SLC25A13: variants seen among roughly 807,000 people sequenced by gnomAD.
SLC25A13 encodes the protein solute carrier family 25 member 13, also known as electrogenic aspartate/glutamate antiporter SLC25A13, mitochondrial.
SLC25A13 carries 70 observed loss-of-function variants against 85.5 expected under a neutral mutation model. The ratio of observed to expected loss-of-function variants is 0.82; its 90% CI spans 0.68 to 1.00. The LOEUF (loss-of-function observed/expected upper bound fraction) is 1.00. Among genes scored for constraint, SLC25A13 ranks in the 50% least tolerant of loss-of-function variants. SLC25A13 has a pLI of 0.00. For missense variants in SLC25A13, 765 were observed against 819.8 expected (o/e 0.93, Z 0.82); for synonymous variants, 259 against 288.7 (o/e 0.90, Z 1.04).
intron 1 of SLC25A13, chr7:96,309,585 T>A (rs1470469904): frequency 6.6e-6 from 1 of 152,250 alleles, no homozygotes. Flanking sequence ...TGTGTTGGCA[T>A]GCCAAGTAAA....
At chr7:96,301,164 C>T (rs1243525796) in intron 1 of SLC25A13, among the ~76,000 whole-genome samples, 1 of 152,206 alleles carries the variant, frequency 6.6e-6, no homozygotes, top group Non-Finnish European at 1.5e-5. Flanking sequence ...GTCCAGCATG[C>T]ATACTTTGCA....
At chr7:96,283,171 T>C (rs772315990) in intron 2 of SLC25A13, among the ~76,000 whole-genome samples, 19 of 152,252 alleles carry the variant, frequency 1.2e-4, no homozygotes, top group Non-Finnish European at 2.5e-4. Context: ...GGTACAATAC[T>C]ATCATTACAG....
intron 7 of SLC25A13, 86 bp downstream of exon 7, chr7:96,191,023 A>AT: frequency 2.2e-5 from 33 of 1,487,830 alleles, no homozygotes; most frequent in Non-Finnish European, 3.1e-5. Flanking sequence ...GGATAGAAAA[A>AT]TAATAAAGTA....
intron 13 of SLC25A13, among the ~76,000 whole-genome samples, chr7:96,152,895 G>A (rs780763316): frequency 2.6e-5 from 4 of 152,224 alleles, no homozygotes; most frequent in Non-Finnish European, 5.9e-5. Flanking sequence ...GGATTGGAAC[G>A]AGAATGCTGG....
At chr7:96,241,308 C>G (rs1796989948) in intron 3 of SLC25A13, among the ~76,000 whole-genome samples, 1 of 152,146 alleles carries the variant, frequency 6.6e-6, no homozygotes, top group South Asian at 2.1e-4. Flanking sequence ...AGGAGTTTAT[C>G]CTAAAAAATA....
chr7:96,254,670 C>T (rs987553193), intron 3 of SLC25A13, among the ~76,000 whole-genome samples: 7 of 152,074 alleles, frequency 4.6e-5, no homozygotes, highest in Admixed American at 2.6e-4. Context: ...ATACACACTC[C>T]CTCAAAGGAG....
intron 14 of SLC25A13, among the ~76,000 whole-genome samples, chr7:96,145,648 T>C (rs1451447942): frequency 2.0e-5 from 3 of 152,148 alleles, no homozygotes. Flanking sequence ...TCAAAAATGC[T>C]TCAAATTACA....
At chr7:96,184,135 T>C (rs1166852927) in intron 11 of SLC25A13, 142 bp downstream of exon 11, 4 of 1,013,442 alleles carry the variant, frequency 3.9e-6, no homozygotes, top group Non-Finnish European at 6.1e-6. Context: ...GCCTCCAGCC[T>C]ACTCCCATTA....
At chr7:96,228,613 C>T (rs930585900) in intron 4 of SLC25A13, among the ~76,000 whole-genome samples, 8 of 152,226 alleles carry the variant, frequency 5.3e-5, no homozygotes, top group African/African-American at 1.9e-4. Context: ...TCTGGCCACA[C>T]TTGAGGAGCC....
chr7:96,298,030 C>T (rs1299790612), intron 1 of SLC25A13, among the ~76,000 whole-genome samples: 1 of 152,116 alleles, frequency 6.6e-6, no homozygotes, highest in Non-Finnish European at 1.5e-5. Flanking sequence ...TTCAATGTCC[C>T]AACACCCAAT....
intron 11 of SLC25A13, among the ~76,000 whole-genome samples, chr7:96,173,462 G>C (rs1794090935): frequency 6.6e-6 from 1 of 152,178 alleles, no homozygotes; most frequent in Non-Finnish European, 1.5e-5. Context: ...ACTCAACTCT[G>C]TGTTAATGTG....
At chr7:96,269,895 G>T (rs901691172) in intron 3 of SLC25A13, among the ~76,000 whole-genome samples, 5 of 152,196 alleles carry the variant, frequency 3.3e-5, no homozygotes, top group African/African-American at 1.2e-4. Context: ...CTTACACATG[G>T]AATCTAAAAA....
In SLC25A13 at chr7:96,184,185, G is replaced by A. The variant is rs1794531952; in HGVS notation, c.1177+92C>T. On this transcript the variant is annotated intron_variant, in intron 11 of 17. Coordinates refer to ENST00000265631, the MANE Select transcript of SLC25A13 (RefSeq NM_014251.3). ...AAATCTGCTGTATTTCCATTTTAACGCAGTCTTGCTAATTCATGTCAGGCA... is the reference window on the plus strand; with the variant it reads ...AAATCTGCTGTATTTCCATTTTAACACAGTCTTGCTAATTCATGTCAGGCA... 1.7e-5 allele frequency: 24 copies of A among 1,450,554 alleles called. 1 individual carries two copies. Among genetic ancestry groups the A allele is most frequent in the Admixed American group, 6.7e-5 (4 of 59,736 alleles). 89.9% of individuals were successfully genotyped at this position (1,450,554 alleles called of 1,614,324 possible).
At position 96,191,197 on chromosome 7, in the gene SLC25A13, T is replaced by G. The variant is rs200838637; in HGVS notation, c.666A>C (p.Gly222=). The G allele has an allele frequency of 1.3e-5, 21 of 1,614,082 alleles. No homozygotes were observed. The East Asian group carries it at 4.0e-4, about 31-fold the overall frequency. Residue 222 remains glycine, a synonymous_variant, in exon 7 of 18, where the codon GGA becomes GGC. Coordinates refer to ENST00000265631, the MANE Select transcript of SLC25A13 (RefSeq NM_014251.3). ...CCATGTTGTTAAGGAGCGAATTAAA[T>G]CCATTAAAATAGGAGAAACTAACTT... ...SHQVSFSYFN[G]FNSLLNNMEL...
chr7:96,214,470 G>A (rs1488779508), intron 4 of SLC25A13, among the ~76,000 whole-genome samples: 1 of 152,198 alleles, frequency 6.6e-6, no homozygotes, highest in Non-Finnish European at 1.5e-5. Flanking sequence ...GCCCACGCCT[G>A]TAATCCCAGC....
intron 13 of SLC25A13, among the ~76,000 whole-genome samples, chr7:96,160,207 C>A (rs1793452782): frequency 6.6e-6 from 1 of 152,130 alleles, no homozygotes; most frequent in South Asian, 2.1e-4. Context: ...AGAAAGATGG[C>A]CCAATATTTG....
chr7:96,190,674 G>A (rs1484800048), intron 7 of SLC25A13, among the ~76,000 whole-genome samples: 2 of 151,956 alleles, frequency 1.3e-5, no homozygotes, highest in Admixed American at 6.6e-5. Context: ...GTGCAGTGGC[G>A]TGATCTCGGC....
At chr7:96,168,271 TG>T (rs969603540) in intron 13 of SLC25A13, among the ~76,000 whole-genome samples, 3 of 151,672 alleles carry the variant, frequency 2.0e-5, no homozygotes, top group African/African-American at 7.3e-5. Flanking sequence ...AAGTAATGAT[TG>T]GGGGGGAAAA....
At chr7:96,264,418 AAGAAAC>A (rs1390130856) in intron 3 of SLC25A13, among the ~76,000 whole-genome samples, 1 of 152,108 alleles carries the variant, frequency 6.6e-6, no homozygotes, top group Non-Finnish European at 1.5e-5. Context: ...AAAAAAATCA[AAGAAAC>A]CAAAAGACAA....
Sources: allele counts gnomAD v4.1 joint callset (sites outside exome capture counted in the v4.1 genomes callset), GRCh38; gene constraint gnomAD v4.1.1; transcripts MANE v1.5; gene names NCBI Gene and HGNC (gene_info 2026-07-23, HGNC 2026-07-21).